Variants in FOXP2 observed in about 807,000 individuals in gnomAD.
The protein encoded by FOXP2 is forkhead box P2.
In FOXP2, 12 loss-of-function variants were observed where a neutral mutation model predicts 115.8. That is an observed-to-expected ratio of 0.10 (90% CI 0.07 to 0.17). The LOEUF is 0.17. FOXP2 is among the 10% of genes least tolerant of loss of function. The pLI is 1.00. For synonymous variants in FOXP2, 328 were observed against 297.7 expected (o/e 1.10, Z -1.05); for missense variants, 629 against 843.5 (o/e 0.75, Z 3.15).
At chr7:114,501,083 T>C (rs1043356362) in intron 2 of FOXP2, among the ~76,000 whole-genome samples, 1 of 152,166 alleles carries the variant, frequency 6.6e-6, no homozygotes, top group African/African-American at 2.4e-5. Flanking sequence ...AATCATTTTG[T>C]CTTAATTTAC....
chr7:114,227,683 C>G (rs564637999), intron 1 of FOXP2, among the ~76,000 whole-genome samples: 2 of 151,780 alleles, frequency 1.3e-5, no homozygotes, highest in South Asian at 4.2e-4. Context: ...ATTTTCTACC[C>G]TATTTCAAAA....
chr7:114,147,959 C>T (rs1317866547), intron 1 of FOXP2, among the ~76,000 whole-genome samples: 1 of 152,166 alleles, frequency 6.6e-6, no homozygotes, highest in Non-Finnish European at 1.5e-5. Context: ...TCTGGAAGCT[C>T]TTCTTTTTTC....
intron 1 of FOXP2, among the ~76,000 whole-genome samples, chr7:114,193,414 C>A (rs1428694633): frequency 6.6e-6 from 1 of 151,474 alleles, no homozygotes; most frequent in East Asian, 1.9e-4. Flanking sequence ...TAGTTGTATT[C>A]CTAGATAATT....
At chr7:114,565,507 G>T (rs1800973438) in intron 3 of FOXP2, among the ~76,000 whole-genome samples, 1 of 152,122 alleles carries the variant, frequency 6.6e-6, no homozygotes, top group Admixed American at 6.6e-5. Flanking sequence ...CAGATCTTAT[G>T]AATCTGAATC....
chr7:114,126,221 ACTTG>A (rs1215233098), intron 1 of FOXP2, among the ~76,000 whole-genome samples: 2 of 1,328 alleles, frequency 1.5e-3, no homozygotes, highest in Non-Finnish European at 2.2e-3. Context: ...TGTAGATGGC[ACTTG>A]ACTTGAGCTT....
intron 6 of FOXP2, among the ~76,000 whole-genome samples, chr7:114,634,274 G>T (rs1356502946): frequency 6.6e-6 from 1 of 152,082 alleles, no homozygotes; most frequent in Non-Finnish European, 1.5e-5. Context: ...AGGATTACAG[G>T]CATTAGCCAC....
chr7:114,550,911 G>T (rs1200763649), intron 3 of FOXP2, among the ~76,000 whole-genome samples: 1 of 152,172 alleles, frequency 6.6e-6, no homozygotes, highest in Non-Finnish European at 1.5e-5. Flanking sequence ...GTTTGATATG[G>T]TTATGTTATT....
chr7:114,375,306 G>A (rs867770056), intron 2 of FOXP2, among the ~76,000 whole-genome samples: 14 of 151,998 alleles, frequency 9.2e-5, no homozygotes, highest in Admixed American at 1.3e-4. Context: ...CTTCCTCCTC[G>A]AGAGTATAAT....
intron 1 of FOXP2, among the ~76,000 whole-genome samples, chr7:114,183,488 A>G (rs1190576035): frequency 6.6e-6 from 1 of 152,146 alleles, no homozygotes; most frequent in Middle Eastern, 3.2e-3. Context: ...TTAGCTGAAA[A>G]TATGCCAAAG....
chr7:114,535,021 A>C (rs942213642), intron 3 of FOXP2, among the ~76,000 whole-genome samples: 1 of 151,832 alleles, frequency 6.6e-6, no homozygotes, highest in African/African-American at 2.4e-5. Flanking sequence ...GAAATGTAAA[A>C]TTTTTTTCTT....
intron 2 of FOXP2, among the ~76,000 whole-genome samples, chr7:114,384,993 T>C (rs1042755357): frequency 6.6e-6 from 1 of 151,824 alleles, no homozygotes; most frequent in South Asian, 2.1e-4. Context: ...TTTTTAACTA[T>C]TTCTATCTTT....
chr7:114,294,402 C>T (rs994398143), intron 2 of FOXP2, among the ~76,000 whole-genome samples: 1 of 152,060 alleles, frequency 6.6e-6, no homozygotes. Flanking sequence ...ATACTAGAGT[C>T]ACACGGAAGT....
At chr7:114,232,878 AT>A (rs1427482736) in intron 1 of FOXP2, among the ~76,000 whole-genome samples, 1 of 152,152 alleles carries the variant, frequency 6.6e-6, no homozygotes, top group East Asian at 1.9e-4. Context: ...CGTGAATGAA[AT>A]TTGAGATCAT....
chr7:114,088,015 C>T (rs1389130710), intron 1 of FOXP2, among the ~76,000 whole-genome samples: 2 of 152,090 alleles, frequency 1.3e-5, no homozygotes, highest in Non-Finnish European at 2.9e-5. Flanking sequence ...AATCCGGAAT[C>T]CCCAAAGACC....
intron 1 of FOXP2, among the ~76,000 whole-genome samples, chr7:114,226,912 G>T (rs1361643838): frequency 1.3e-5 from 2 of 152,056 alleles, no homozygotes; most frequent in Non-Finnish European, 2.9e-5. Context: ...TTAAGCTGCA[G>T]TAATACAGAC....
At chr7:114,270,131 A>C (rs1051849180) in intron 1 of FOXP2, among the ~76,000 whole-genome samples, 2 of 152,192 alleles carry the variant, frequency 1.3e-5, no homozygotes, top group Non-Finnish European at 2.9e-5. Context: ...AGGTTTTTCC[A>C]TGTCTTTCCA....
At chr7:114,312,909 C>T (rs570880906) in intron 2 of FOXP2, among the ~76,000 whole-genome samples, 1 of 152,318 alleles carries the variant, frequency 6.6e-6, no homozygotes, top group African/African-American at 2.4e-5. Context: ...CAATCAAGGG[C>T]TTCTTGGCAC....
chr7:114,097,098 CT>C (rs1318934054), intron 1 of FOXP2, among the ~76,000 whole-genome samples: 1 of 152,112 alleles, frequency 6.6e-6, no homozygotes, highest in Non-Finnish European at 1.5e-5. Context: ...AATTACTCAT[CT>C]TTATAATTGT....
chr7:114,434,260 G>C (rs1467696148), intron 2 of FOXP2, among the ~76,000 whole-genome samples: 1 of 151,798 alleles, frequency 6.6e-6, no homozygotes, highest in African/African-American at 2.4e-5. Context: ...AAGAAAATGT[G>C]TTGCTTTATA....
Sources: allele counts gnomAD v4.1 joint callset (sites outside exome capture counted in the v4.1 genomes callset), GRCh38; gene constraint gnomAD v4.1.1; transcripts MANE v1.5; gene names NCBI Gene and HGNC (gene_info 2026-07-23, HGNC 2026-07-21).